LINC00632: variants seen among roughly 807,000 people sequenced by gnomAD.
LINC00632 encodes long independently transcribed non-coding RNA 632, also known as ALDOA related specific transcript.
exon 5 of LINC00632, chrX:140,783,669 T>C (rs865887597): frequency 8.3e-7 from 1 of 1,208,093 alleles, no homozygotes; most frequent in African/African-American, 1.8e-5. Flanking sequence ...GGTCTTCCAG[T>C]CAGTCAGTGT....
chrX:140,754,216 T>C (rs960070055), intron 3 of LINC00632, among the ~76,000 whole-genome samples: 7 of 111,823 alleles, frequency 6.3e-5, no homozygotes, highest in African/African-American at 2.3e-4. Flanking sequence ...GGAATCACAC[T>C]GGCATATTAT....
rs73576522 is a variant in LINC00632, at chrX:140,766,195, G to C, written n.192-5883G>C. ...GATTTCTTATAGGCCTGGTTTAGCT[G>C]TTCCACGCTGTAGCCAGCAGAGGGC... On this transcript the variant is annotated intron_variant and non_coding_transcript_variant, in intron 3 of 4. Coordinates refer to ENST00000648200, the Ensembl canonical transcript of LINC00632. 7.6e-3 allele frequency among the ~76,000 whole-genome samples: 846 copies of C among 111,976 alleles called. 10 individuals carry two copies. Among genetic ancestry groups the C allele is most frequent in the African/African-American group, 0.026 (812 of 30,850 alleles).
exon 5 of LINC00632, among the ~76,000 whole-genome samples, chrX:140,777,423 G>A (rs961875835): frequency 3.6e-5 from 4 of 112,394 alleles, no homozygotes; most frequent in Admixed American, 9.4e-5. Flanking sequence ...TCTAGGATTC[G>A]CCACAGTTCC....
intron 2 of LINC00632, among the ~76,000 whole-genome samples, chrX:140,718,141 A>T (rs969010814): frequency 9.1e-6 from 1 of 109,838 alleles, no homozygotes; most frequent in Non-Finnish European, 1.9e-5. Context: ...CGTCTCAAAG[A>T]AAAAAAAAGA....
chrX:140,717,045 C>T (rs1930645171), intron 2 of LINC00632, among the ~76,000 whole-genome samples: 2 of 109,793 alleles, frequency 1.8e-5, no homozygotes, highest in South Asian at 4.0e-4. Flanking sequence ...AGTGCAGTGG[C>T]GCAATCTCGG....
At chrX:140,750,765 T>A (rs1428272793) in intron 3 of LINC00632, among the ~76,000 whole-genome samples, 1 of 110,487 alleles carries the variant, frequency 9.1e-6, no homozygotes, top group Admixed American at 9.7e-5. Flanking sequence ...CTTTTATTGC[T>A]CACTCTCCAC....
intron 2 of LINC00632, among the ~76,000 whole-genome samples, chrX:140,723,916 ACATACACACACATTC>A (rs1168678895): frequency 3.7e-4 from 24 of 64,637 alleles, no homozygotes; most frequent in African/African-American, 7.4e-4. Context: ...CATTGCATAC[ACATACACACACATTC>A]CATACACACA....
At chrX:140,783,359 T>A (rs1240060785) in exon 5 of LINC00632, 2 of 427,111 alleles carry the variant, frequency 4.7e-6, no homozygotes, top group Non-Finnish European at 8.2e-6. Context: ...TTCCAGTAAA[T>A]CAAGTCTTCC....
intron 3 of LINC00632, among the ~76,000 whole-genome samples, chrX:140,736,125 T>A (rs1931139628): frequency 9.0e-6 from 1 of 111,362 alleles, no homozygotes; most frequent in Non-Finnish European, 1.9e-5. Context: ...AAAGTAAATA[T>A]CATATTAAAA....
At chrX:140,740,015 AT>A (rs1194986972) in intron 3 of LINC00632, among the ~76,000 whole-genome samples, 1 of 111,918 alleles carries the variant, frequency 8.9e-6, no homozygotes, top group Non-Finnish European at 1.9e-5. Context: ...CTTAAATAAC[AT>A]TTCATTATAC....
chrX:140,757,687 C>T (rs1378131787), intron 3 of LINC00632, among the ~76,000 whole-genome samples: 1 of 111,429 alleles, frequency 9.0e-6, no homozygotes, highest in Admixed American at 9.6e-5. Flanking sequence ...CTGTCTCAGC[C>T]TCCCAAGTAG....
At chrX:140,730,029 A>G (rs2148384747) in intron 2 of LINC00632, among the ~76,000 whole-genome samples, 1 of 109,376 alleles carries the variant, frequency 9.1e-6, no homozygotes, top group African/African-American at 3.3e-5. Context: ...GGCGCACGCC[A>G]CCGTGCCCAA....
chrX:140,739,377 G>A (rs1306078062), intron 3 of LINC00632, among the ~76,000 whole-genome samples: 10 of 109,531 alleles, frequency 9.1e-5, no homozygotes, highest in African/African-American at 1.3e-4. Context: ...GCACCACCAC[G>A]CCCGGCTAAT....
intron 3 of LINC00632, among the ~76,000 whole-genome samples, chrX:140,769,320 C>A (rs1931750691): frequency 8.9e-6 from 1 of 111,749 alleles, no homozygotes. Flanking sequence ...CCTTCATCTA[C>A]ATTTGCTTCA....
intron 3 of LINC00632, among the ~76,000 whole-genome samples, chrX:140,759,037 TCA>T (rs1447349629): frequency 5.7e-5 from 6 of 104,445 alleles, no homozygotes; most frequent in Non-Finnish European, 1.2e-4. Flanking sequence ...TGATCTCGGC[TCA>T]CTGCAACCTC....
chrX:140,713,131 G>A (rs1930552236), intron 2 of LINC00632, among the ~76,000 whole-genome samples: 1 of 111,274 alleles, frequency 9.0e-6, no homozygotes, highest in Non-Finnish European at 1.9e-5. Context: ...CAGACATGAC[G>A]TCAGTTTTTC....
intron 3 of LINC00632, among the ~76,000 whole-genome samples, chrX:140,754,791 C>T (rs1048756206): frequency 1.8e-5 from 2 of 110,043 alleles, no homozygotes; most frequent in Non-Finnish European, 3.8e-5. Flanking sequence ...GGACCTCTAA[C>T]ATGGAGCAAG....
At chrX:140,742,172 C>A (rs759456490) in intron 3 of LINC00632, among the ~76,000 whole-genome samples, 2 of 111,686 alleles carry the variant, frequency 1.8e-5, no homozygotes, top group Non-Finnish European at 3.8e-5. Flanking sequence ...TTCCCAGGGG[C>A]ACTTTGTTTT....
At chrX:140,726,866 C>T (rs945705848) in intron 2 of LINC00632, among the ~76,000 whole-genome samples, 1 of 111,861 alleles carries the variant, frequency 8.9e-6, no homozygotes, top group Non-Finnish European at 1.9e-5. Context: ...ACAACATCTG[C>T]TCACATTCTC....
Sources: gnomAD v4.1 joint callset for allele counts (sites outside exome capture counted in the v4.1 genomes callset) on GRCh38, gnomAD v4.1.1 for gene constraint, MANE v1.5 for transcripts, NCBI Gene and HGNC (gene_info 2026-07-23, HGNC 2026-07-21) for gene names.